Variants in DHX36 observed in about 807,000 individuals in gnomAD.
DHX36 encodes the protein DEAH-box helicase 36, also known as ATP-dependent DNA/RNA helicase DHX36.
A neutral mutation model predicts 139.0 loss-of-function variants in DHX36; 50 were observed. The ratio of observed to expected loss-of-function variants is 0.36; its 90% confidence interval spans 0.29 to 0.46. The LOEUF (loss-of-function observed/expected upper bound fraction) is 0.46. Among genes scored for constraint, DHX36 ranks in the 20% least tolerant of loss-of-function variants. The pLI, the probability that DHX36 is intolerant of heterozygous loss-of-function variation, is 1.00. For synonymous variants in DHX36, 425 were observed against 401.9 expected (o/e 1.06, Z -0.69); for missense variants, 1,024 against 1,211.3 (o/e 0.85, Z 2.29).
chr3:154,298,897 G>A (rs924246688), intron 12 of DHX36, among the ~76,000 whole-genome samples: 1 of 151,822 alleles, frequency 6.6e-6, no homozygotes, highest in Admixed American at 6.6e-5. Context: ...CTGGGCAAGA[G>A]AGTGAGATGC....
chr3:154,298,596 T>G (rs1712134734), intron 12 of DHX36, among the ~76,000 whole-genome samples: 1 of 152,214 alleles, frequency 6.6e-6, no homozygotes, highest in African/African-American at 2.4e-5. Context: ...GTCAATACAA[T>G]TAGATCAAAA....
rs112562221 is a variant in DHX36, at chr3:154,281,592, G to T, written c.2377-730C>A. 1.7e-3 allele frequency among the ~76,000 whole-genome samples: 257 copies of T among 151,906 alleles called. 2 individuals carry two copies. Among genetic ancestry groups the T allele is most frequent in the African/African-American group, 6.0e-3 (247 of 41,496 alleles). ...AATTTAAAGAAAAGTTAAATAGAAAGGAAAGTGAATGACCAGATGAATCTT... is the reference window on the plus strand; with the variant it reads ...AATTTAAAGAAAAGTTAAATAGAAATGAAAGTGAATGACCAGATGAATCTT... On this transcript the variant is annotated intron_variant, in intron 20 of 24. Transcript: ENST00000496811.
intron 12 of DHX36, among the ~76,000 whole-genome samples, chr3:154,299,068 T>G (rs968219897): frequency 2.0e-5 from 3 of 152,028 alleles, no homozygotes; most frequent in Non-Finnish European, 2.9e-5. Flanking sequence ...GGTCTGGAGT[T>G]CGAGACCAGC....
chr3:154,298,576 T>A (rs1217628668), intron 12 of DHX36, among the ~76,000 whole-genome samples: 1 of 152,242 alleles, frequency 6.6e-6, no homozygotes, highest in Non-Finnish European at 1.5e-5. Flanking sequence ...TATATACATT[T>A]ATTATTTTAG....
intron 19 of DHX36, 31 bp from the exon 20 acceptor site, chr3:154,283,302 T>C: frequency 3.4e-6 from 5 of 1,479,280 alleles, no homozygotes; most frequent in East Asian, 2.3e-5. Context: ...GAAATCTATA[T>C]TTCTCCCGCA....
At chr3:154,310,141 C>CA (rs1450876316) in intron 4 of DHX36, among the ~76,000 whole-genome samples, 2 of 152,142 alleles carry the variant, frequency 1.3e-5, no homozygotes, top group African/African-American at 4.8e-5. Context: ...AGTACAGAAG[C>CA]AAACTCCTGG....
intron 3 of DHX36, 50 bp downstream of exon 3, chr3:154,314,996 T>G (rs1164310093): frequency 7.6e-7 from 1 of 1,313,248 alleles, no homozygotes; most frequent in Non-Finnish European, 1.1e-6. Flanking sequence ...TACATTTTTA[T>G]AAAGTGTAAG....
chr3:154,291,318 G>T (rs1050519772), intron 15 of DHX36, among the ~76,000 whole-genome samples: 1 of 152,142 alleles, frequency 6.6e-6, no homozygotes, highest in African/African-American at 2.4e-5. Flanking sequence ...CAGGAGTGAG[G>T]ACGAAGGATT....
intron 22 of DHX36, chr3:154,278,021 T>C (rs1163337002): frequency 1.4e-5 from 3 of 207,988 alleles, no homozygotes; most frequent in East Asian, 2.2e-4. Flanking sequence ...TGGCAGAATA[T>C]TCTTTTCCTT....
In DHX36 at chr3:154,324,325, C is replaced by T. The variant is rs1479663687; in HGVS notation, c.92G>A (p.Gly31Glu). Reference sequence around the variant, plus strand: ...GCCTCCTCCGGAGCCTCGGTTACCTCCATGACCCCCTGCTGGCCCCCCTCC... The same window carrying T: ...GCCTCCTCCGGAGCCTCGGTTACCTTCATGACCCCCTGCTGGCCCCCCTCC... ...GYGGGPAGGH[G>E]GNRGSGGGGG... The change falls in exon 1 of 25, where the codon GGA becomes GAA. Residue 31 changes from glycine to glutamate, a missense_variant. Gly to Glu is a moderately conservative substitution (Grantham distance 98). This residue lies in a region of DHX36 where 293 missense variants were observed against 274.4 expected (regional missense o/e 1.07). Transcript: ENST00000496811. 4 of 1,610,742 alleles carry T rather than the reference C, an allele frequency of 2.5e-6. No homozygotes were observed. The highest frequency in any genetic ancestry group is 3.4e-6 in the Non-Finnish European group (4 of 1,178,414).
intron 24 of DHX36, 72 bp downstream of exon 24, chr3:154,276,675 A>C (rs1719158130): frequency 1.4e-6 from 2 of 1,436,888 alleles, no homozygotes; most frequent in East Asian, 2.3e-5. Context: ...TCTATTTAAC[A>C]GTTAGAACAA....
chr3:154,290,948 A>C (rs1711777532), intron 15 of DHX36, among the ~76,000 whole-genome samples: 1 of 150,558 alleles, frequency 6.6e-6, no homozygotes, highest in Admixed American at 6.6e-5. Context: ...TCCCGGCTAA[A>C]ACGGTGAAAC....
rs113647894 is a variant in DHX36 at position 154,276,000 on chromosome 3, A to C, written c.*171T>G. 1,371 of 396,464 alleles carry C rather than the reference A, an allele frequency of 3.5e-3. 8 individuals carry two copies. The highest frequency in any genetic ancestry group is 0.013 in the African/African-American group (585 of 44,682). The allele number at this position is 396,464 out of a possible 1,614,324, so 24.6% of individuals were successfully genotyped here. ...ATGGTATATATATATATATATATAT[A>C]TCTCTACATATAACATCAAGTCATG... On this transcript the variant is annotated 3_prime_UTR_variant, in exon 25 of 25. Transcript: ENST00000496811.
intron 15 of DHX36, among the ~76,000 whole-genome samples, chr3:154,290,358 G>A (rs946373071): frequency 3.3e-5 from 5 of 152,000 alleles, no homozygotes; most frequent in African/African-American, 9.7e-5. Context: ...GATGTAGGCC[G>A]GGCGCGATGG....
chr3:154,306,440 T>G, intron 5 of DHX36, 145 bp from the exon 6 acceptor site: 1 of 657,882 alleles, frequency 1.5e-6, no homozygotes, highest in Non-Finnish European at 2.6e-6. Flanking sequence ...CTGAGGTATC[T>G]AAAACAGTGT....
chr3:154,277,011 A>C, intron 23 of DHX36, 112 bp from the exon 24 acceptor site: 1 of 897,876 alleles, frequency 1.1e-6, no homozygotes, highest in Non-Finnish European at 1.6e-6. Context: ...CTAAAATATT[A>C]ACCTTCTATT....
chr3:154,287,972 G>T (rs1444100613), intron 17 of DHX36, among the ~76,000 whole-genome samples: 1 of 151,930 alleles, frequency 6.6e-6, no homozygotes, highest in South Asian at 2.1e-4. Context: ...AAAGCAATGG[G>T]AACTCTCATC....
At position 154,324,212 on chromosome 3, in the gene DHX36, T is replaced by C; in HGVS notation, c.205A>G (p.Lys69Glu). 6.2e-7 allele frequency: 1 copy of C among 1,613,430 alleles called. No individual in the cohort carries two copies. The highest frequency in any genetic ancestry group is 8.5e-7 in the Non-Finnish European group (1 of 1,179,608). ...GREIGMWYAK[K>E]QGQKNKEAER... ...GCTTCCTTGTTCTTCTGCCCCTGTT[T>C]TTTCGCGTACCACATGCCGATTTCG... The change falls in exon 1 of 25, where the codon AAA (lysine) becomes GAA (glutamate). Residue 69 changes from lysine to glutamate, a missense_variant. This residue lies in a region of DHX36 where 293 missense variants were observed against 274.4 expected (regional missense o/e 1.07). Coordinates refer to ENST00000496811, the MANE Select transcript of DHX36 (RefSeq NM_020865.3).
At chr3:154,296,671 A>T (rs1712060699) in intron 12 of DHX36, among the ~76,000 whole-genome samples, 1 of 152,212 alleles carries the variant, frequency 6.6e-6, no homozygotes, top group Admixed American at 6.5e-5. Context: ...AGAAAGCAAG[A>T]GTTAATTTCA....
Sources: allele counts gnomAD v4.1 joint callset (sites outside exome capture counted in the v4.1 genomes callset), GRCh38; gene constraint gnomAD v4.1.1; regional missense constraint gnomAD v4.1.1; transcripts MANE v1.5; gene names NCBI Gene and HGNC (gene_info 2026-07-23, HGNC 2026-07-21).